The following CTPS2 variants were observed in gnomAD, a reference collection of about 807,000 sequenced individuals.
CTPS2 encodes the protein CTP synthase II.
Under a neutral mutation model 46.8 loss-of-function variants are expected in CTPS2, and 19 were observed. That is an observed-to-expected ratio of 0.41 (90% CI 0.28 to 0.60). The LOEUF is 0.60. Among genes scored for constraint, CTPS2 ranks in the 20% least tolerant of loss-of-function variants. The probability of loss-of-function intolerance (pLI) is 0.35; values close to 1 mark genes in which losing one functional copy is unlikely to be tolerated. For missense variants in CTPS2, 286 were observed against 447.6 expected (o/e 0.64, Z 3.26); for synonymous variants, 151 against 165.2 (o/e 0.91, Z 0.66).
chrX:16,654,135 G>A (rs6632860), intron 13 of CTPS2, among the ~76,000 whole-genome samples: 25,022 of 111,590 alleles, frequency 0.22, 2,152 homozygotes, highest in Middle Eastern at 0.32. Flanking sequence ...ACCCAAGATC[G>A]CATAAGAAAA....
intron 17 of CTPS2, 185 bp from the exon 18 acceptor site, chrX:16,591,047 T>G: frequency 3.1e-6 from 1 of 327,708 alleles, no homozygotes; most frequent in Non-Finnish European, 5.3e-6. Flanking sequence ...AATGGCCTCT[T>G]TCTTTGGTCA....
intron 17 of CTPS2, among the ~76,000 whole-genome samples, chrX:16,599,144 G>A (rs148257805): frequency 0.025 from 2,783 of 111,804 alleles, 98 homozygotes; most frequent in African/African-American, 0.085. Flanking sequence ...TTTGAAAACT[G>A]GCATAAGATA....
chrX:16,712,030 C>G (rs1365522034), intron 1 of CTPS2: 5 of 107,867 alleles, frequency 4.6e-5, no homozygotes, highest in African/African-American at 1.3e-4. Flanking sequence ...GGCGCTGGCG[C>G]GGGCGGAGGC....
At chrX:16,595,481 T>C (rs761168944) in intron 17 of CTPS2, among the ~76,000 whole-genome samples, 6 of 110,409 alleles carry the variant, frequency 5.4e-5, no homozygotes, top group Non-Finnish European at 7.6e-5. Context: ...TAATTTTTTA[T>C]ATTTTTAGTA....
rs1921318150 is a variant in CTPS2, at chrX:16,667,704, G to T, written c.1210C>A (p.Leu404Ile). ...TTTCTTGCAAACTCTATCACTGCTA[G>T]TTGCATCCCAAGACAAACTCCTATT... ...PFLGVCLGMQ[L>I]AVIEFARNCL... is the part of the protein sequence containing the mutation. The change falls in exon 12 of 19, where the codon CTA (leucine) becomes ATA (isoleucine). Residue 404 changes from leucine (L) to isoleucine (I), a missense_variant. By Grantham distance (5) the Leu-to-Ile change is conservative. Coordinates refer to ENST00000359276, the MANE Select transcript of CTPS2 (RefSeq NM_175859.3). The T allele has an allele frequency of 8.3e-7, 1 of 1,210,189 alleles. No individual in the cohort carries two copies. The highest frequency in any genetic ancestry group is 1.7e-5 in the African/African-American group (1 of 57,612).
chrX:16,673,492 A>AG (rs1921956769), intron 10 of CTPS2, among the ~76,000 whole-genome samples: 1 of 111,006 alleles, frequency 9.0e-6, no homozygotes, highest in South Asian at 3.8e-4. Flanking sequence ...TTCCTAGTTT[A>AG]GGGGATAAGC....
chrX:16,590,890 A>C (rs763870445), intron 17 of CTPS2, 28 bp from the exon 18 acceptor site: 1 of 1,056,563 alleles, frequency 9.5e-7, no homozygotes, highest in Admixed American at 2.4e-5. Context: ...CTAATTTAGC[A>C]AGGTATAAAA....
At position 16,606,127 on chromosome X, in the gene CTPS2, C is replaced by T. The variant is rs775255148; in HGVS notation, c.1691+3414G>A. On this transcript the variant is annotated intron_variant, in intron 17 of 18. Coordinates refer to ENST00000359276, the MANE Select transcript of CTPS2 (RefSeq NM_175859.3). ...CTTAACTCAAAGGCAAGGATTTTTA[C>T]ACTCCATGCTTTAAAGACATTGGCC... 9.8e-5 allele frequency among the ~76,000 whole-genome samples: 11 copies of T among 112,696 alleles called. 1 individual carries two copies. Among genetic ancestry groups the T allele is most frequent in the Non-Finnish European group, 1.9e-4 (10 of 53,398 alleles).
At chrX:16,678,568 C>A in intron 9 of CTPS2, 118 bp from the exon 10 acceptor site, 1 of 478,502 alleles carries the variant, frequency 2.1e-6, no homozygotes. Context: ...AAACACTGTA[C>A]TGGGCACTAG....
intron 15 of CTPS2, among the ~76,000 whole-genome samples, chrX:16,617,463 A>G (rs1930594718): frequency 8.9e-6 from 1 of 111,918 alleles, no homozygotes; most frequent in Non-Finnish European, 1.9e-5. Context: ...TCTATTACCC[A>G]AAGGTGAGAT....
intron 13 of CTPS2, among the ~76,000 whole-genome samples, chrX:16,641,587 A>G (rs943732060): frequency 8.0e-5 from 9 of 111,966 alleles, no homozygotes; most frequent in African/African-American, 2.9e-4. Context: ...AAATACAAAA[A>G]TTAGCTGGGT....
intron 13 of CTPS2, among the ~76,000 whole-genome samples, chrX:16,664,058 G>T (rs199936972): frequency 1.8e-5 from 2 of 111,597 alleles, no homozygotes; most frequent in Admixed American, 9.5e-5. Flanking sequence ...GGATGGTCTT[G>T]ATCTCCTGAC....
At chrX:16,597,579 T>C (rs56852060) in intron 17 of CTPS2, among the ~76,000 whole-genome samples, 2,582 of 111,615 alleles carry the variant, frequency 0.023, 95 homozygotes, top group African/African-American at 0.08. Flanking sequence ...CAGTACCATG[T>C]TGTTTTGGTT....
intron 13 of CTPS2, among the ~76,000 whole-genome samples, chrX:16,646,750 G>A (rs964469250): frequency 8.9e-6 from 1 of 112,025 alleles, no homozygotes; most frequent in Non-Finnish European, 1.9e-5. Context: ...TCCTGAAGGT[G>A]CTTTTCAAGA....
intron 13 of CTPS2, among the ~76,000 whole-genome samples, chrX:16,666,312 G>A (rs1921178341): frequency 9.0e-6 from 1 of 111,665 alleles, no homozygotes; most frequent in Admixed American, 9.5e-5. Flanking sequence ...AAGAGGTCAG[G>A]AAAGGTTTCC....
chrX:16,592,685 T>G (rs760242253), intron 17 of CTPS2, among the ~76,000 whole-genome samples: 4 of 112,140 alleles, frequency 3.6e-5, no homozygotes, highest in Non-Finnish European at 7.5e-5. Flanking sequence ...CTCTCTACAC[T>G]TGCCTTGAAA....
At chrX:16,679,432 AG>A (rs1181019160) in intron 9 of CTPS2, among the ~76,000 whole-genome samples, 1 of 111,644 alleles carries the variant, frequency 9.0e-6, no homozygotes. Context: ...GAAACCTCAG[AG>A]GAAAAAGAGA....
chrX:16,665,281 C>T (rs1921079671), intron 13 of CTPS2, among the ~76,000 whole-genome samples: 1 of 112,645 alleles, frequency 8.9e-6, no homozygotes, highest in Non-Finnish European at 1.9e-5. Flanking sequence ...AGAAATTCCA[C>T]TCCTGGTGAA....
At chrX:16,642,184 A>T (rs1417175132) in intron 13 of CTPS2, among the ~76,000 whole-genome samples, 1 of 112,325 alleles carries the variant, frequency 8.9e-6, no homozygotes, top group Non-Finnish European at 1.9e-5. Context: ...AGTTCACATT[A>T]TCCCTGCTGT....
Sources: gnomAD v4.1 joint callset for allele counts (sites outside exome capture counted in the v4.1 genomes callset) on GRCh38, gnomAD v4.1.1 for gene constraint, MANE v1.5 for transcripts, NCBI Gene and HGNC (gene_info 2026-07-23, HGNC 2026-07-21) for gene names.